EDEM3: variants seen among roughly 807,000 people sequenced by gnomAD.
EDEM3 encodes the protein ER degradation-enhancing alpha-mannosidase-like protein 3.
In EDEM3, 60 loss-of-function variants were observed where a neutral mutation model predicts 110.2. The ratio of observed to expected loss-of-function variants is 0.54; its 90% CI spans 0.44 to 0.67. The LOEUF is 0.67. Among genes scored for constraint, EDEM3 ranks in the 30% least tolerant of loss-of-function variants. The pLI is 0.00. For missense variants in EDEM3, 996 were observed against 1,121.0 expected (o/e 0.89, Z 1.59); for synonymous variants, 352 against 382.9 (o/e 0.92, Z 0.94).
At chr1:184,730,694 T>G (rs1651462421) in intron 6 of EDEM3, among the ~76,000 whole-genome samples, 1 of 152,150 alleles carries the variant, frequency 6.6e-6, no homozygotes, top group African/African-American at 2.4e-5. Flanking sequence ...TTTTAAAAAG[T>G]GCTAGTCACA....
In EDEM3 at chr1:184,721,873, T is replaced by A. The variant is rs138537960; in HGVS notation, c.854-487A>T. On this transcript the variant is annotated intron_variant, in intron 8 of 19. Coordinates refer to ENST00000318130, the MANE Select transcript of EDEM3 (RefSeq NM_025191.4). The stretch of plus-strand genomic sequence containing the variant: ...AAAAAAAAATGATAGGCAGGTGGAG[T>A]CTAGACCACTTAGAACTGAACCAAC... Among the ~76,000 whole-genome samples, 432 of 151,288 alleles carry A rather than the reference T, an allele frequency of 2.9e-3. 4 individuals carry two copies. The East Asian group carries it at 0.035, about 12-fold the overall frequency.
rs1439868586 is a variant in EDEM3 at position 184,690,821 on chromosome 1, G to C, written c.*3242C>G. ...AGAATGTTTTTTTTTTCTATGTTCT[G>C]ACTGAAGCCTTGTGCATAAAACGAC... On this transcript the variant is annotated 3_prime_UTR_variant, in exon 20 of 20. Coordinates refer to ENST00000318130, the MANE Select transcript of EDEM3 (RefSeq NM_025191.4). The C allele has an allele frequency of 2.6e-5, 4 of 151,216 alleles. No homozygotes were observed. The East Asian group carries it at 7.7e-4, about 29-fold the overall frequency. 9.4% of individuals were successfully genotyped at this position (151,216 alleles called of 1,614,324 possible).
chr1:184,732,307 C>T (rs940242240), intron 6 of EDEM3, among the ~76,000 whole-genome samples: 1 of 151,878 alleles, frequency 6.6e-6, no homozygotes, highest in African/African-American at 2.4e-5. Context: ...TTATCAGAGG[C>T]TGGGAAGGGT....
chr1:184,706,673 T>A lies in EDEM3; in HGVS notation c.2173A>T (p.Asn725Tyr). 1 of 1,613,280 alleles carries A rather than the reference T, an allele frequency of 6.2e-7. No individual in the cohort carries two copies. Among genetic ancestry groups the A allele is most frequent in the Non-Finnish European group, 8.5e-7 (1 of 1,179,458 alleles). Residue 725 changes from asparagine to tyrosine, a missense_variant, in exon 18 of 20, where the codon AAT becomes TAT. Coordinates refer to ENST00000318130, the MANE Select transcript of EDEM3 (RefSeq NM_025191.4). ...MFAEKARNIQ[N>Y]AGAIGGIVID... ...ACAATGCCACCAATGGCTCCAGCAT[T>A]CTGGATGTTGCGTGCCTTTTCTGCA...
At chr1:184,741,534 A>G (rs973069594) in intron 2 of EDEM3, among the ~76,000 whole-genome samples, 3 of 152,320 alleles carry the variant, frequency 2.0e-5, no homozygotes, top group African/African-American at 7.2e-5. Context: ...TATAACCATC[A>G]GAAAGAAAAG....
Position 184,710,582 on chromosome 1 carries a change from C to A in EDEM3, c.1692-35G>T, listed in dbSNP as rs149454208. 8,538 of 1,544,598 alleles carry A rather than the reference C, an allele frequency of 5.5e-3. 29 individuals carry two copies. The highest frequency in any genetic ancestry group is 8.5e-3 in the Middle Eastern group (49 of 5,774). On this transcript the variant is annotated intron_variant, in intron 15 of 19. Coordinates refer to ENST00000318130, the MANE Select transcript of EDEM3 (RefSeq NM_025191.4). ...GTAATTACAGGCAAGGCTTAAAAAA[C>A]TATAAATTAGAATTGGCAAAAAACA...
In EDEM3 at chr1:184,691,268, C is replaced by T. The variant is rs1649050622; in HGVS notation, c.*2795G>A. On this transcript the variant is annotated 3_prime_UTR_variant, in exon 20 of 20. Transcript: ENST00000318130. ...TTAAAACTTTATGGGAAAAGTATTG[C>T]AAATAAGGGCATATCATTTCAATGA... is the stretch of plus-strand genomic sequence containing the variant. 6.6e-6 allele frequency: 1 copy of T among 152,204 alleles called. No individual in the cohort carries two copies. Among genetic ancestry groups the T allele is most frequent in the South Asian group, 2.1e-4 (1 of 4,822 alleles). 9.4% of individuals were successfully genotyped at this position (152,204 alleles called of 1,614,324 possible).
intron 15 of EDEM3, among the ~76,000 whole-genome samples, 165 bp downstream of exon 15, chr1:184,711,554 ACTAT>A (rs1188851855): frequency 6.6e-6 from 1 of 152,228 alleles, no homozygotes; most frequent in Admixed American, 6.5e-5. Flanking sequence ...AATAAGCTTT[ACTAT>A]CTAACTTTAC....
chr1:184,690,326 C>G lies in EDEM3; in HGVS notation c.*3737G>C, dbSNP rs762017033. 6.6e-6 allele frequency: 1 copy of G among 152,058 alleles called. No individual in the cohort carries two copies. The highest frequency in any genetic ancestry group is 6.6e-5 in the Admixed American group (1 of 15,220). 9.4% of individuals were successfully genotyped at this position (152,058 alleles called of 1,614,324 possible). A position where few individuals can be genotyped will look rare whatever the true frequency, so the allele number is the denominator to read the frequency against. On this transcript the variant is annotated 3_prime_UTR_variant, in exon 20 of 20. Transcript: ENST00000318130. ...AAAAACTTTCAGTGATTTCTTAGAA[C>G]AAAATCCTTACTTTAGCCCACAAGC...
At chr1:184,717,155 T>C in intron 12 of EDEM3, 143 bp from the exon 13 acceptor site, 3 of 586,752 alleles carry the variant, frequency 5.1e-6, no homozygotes, top group South Asian at 4.1e-5. Flanking sequence ...AACTGAGTTC[T>C]GAAAAAAAGC....
intron 1 of EDEM3, among the ~76,000 whole-genome samples, chr1:184,751,233 CA>C (rs983931921): frequency 7.4e-5 from 11 of 149,154 alleles, no homozygotes; most frequent in Admixed American, 6.7e-4. Context: ...CTGTCCTAAG[CA>C]GAAAAAAAAA....
At chr1:184,733,726 G>T (rs1254372941) in intron 5 of EDEM3, among the ~76,000 whole-genome samples, 2 of 151,820 alleles carry the variant, frequency 1.3e-5, no homozygotes, top group Non-Finnish European at 2.9e-5. Flanking sequence ...TACTCGGGAG[G>T]CTGAGGCAGG....
At chr1:184,732,809 A>G in intron 6 of EDEM3, 28 bp downstream of exon 6, 2 of 1,604,306 alleles carry the variant, frequency 1.2e-6, no homozygotes, top group Non-Finnish European at 1.7e-6. Context: ...AAAGTATATA[A>G]AGACTCATAT....
chr1:184,732,729 T>C lies in EDEM3; in HGVS notation c.612+108A>G, dbSNP rs1275904193. ...TTTGTTATATAGCTTTGAAGCATTT[T>C]TTTTTCAGCCTCAAGCTGGTGAAGA... is the stretch of plus-strand genomic sequence containing the variant. On this transcript the variant is annotated intron_variant, in intron 6 of 19. Coordinates refer to ENST00000318130, the MANE Select transcript of EDEM3 (RefSeq NM_025191.4). 4 of 1,135,528 alleles carry C rather than the reference T, an allele frequency of 3.5e-6. No individual in the cohort carries two copies. The African/African-American group carries it at 6.3e-5, about 18-fold the overall frequency. 70.3% of individuals were successfully genotyped at this position (1,135,528 alleles called of 1,614,324 possible). A position where few individuals can be genotyped will look rare whatever the true frequency, so the allele number is the denominator to read the frequency against.
chr1:184,723,659 A>G, intron 8 of EDEM3, 92 bp downstream of exon 8: 1 of 1,015,720 alleles, frequency 9.8e-7, no homozygotes, highest in Non-Finnish European at 1.5e-6. Flanking sequence ...GCTTTATAGT[A>G]TCCCAAAGAT....
In EDEM3 at chr1:184,697,281, C is replaced by T. The variant is rs543916561; in HGVS notation, c.2390-2809G>A. ...TCTTAAATGAAGTCTTAATATTTAA[C>T]ATTTTCCTAATTTATATGTAAAGTA... On this transcript the variant is annotated intron_variant, in intron 19 of 19. Coordinates refer to ENST00000318130, the MANE Select transcript of EDEM3 (RefSeq NM_025191.4). Among the ~76,000 whole-genome samples, 12 of 151,902 alleles carry T rather than the reference C, an allele frequency of 7.9e-5. No individual in the cohort carries two copies. In the South Asian group the frequency reaches 1.2e-3, roughly 16 times the overall value.
intron 6 of EDEM3, among the ~76,000 whole-genome samples, chr1:184,730,559 C>A (rs750189028): frequency 6.6e-6 from 1 of 152,098 alleles, no homozygotes; most frequent in Non-Finnish European, 1.5e-5. Flanking sequence ...TGAACTCCAG[C>A]CTGGGTGATA....
At position 184,694,270 on chromosome 1, in the gene EDEM3, A is replaced by G. The variant is rs1470775162; in HGVS notation, c.2592T>C (p.Thr864=). 6.2e-7 allele frequency: 1 copy of G among 1,613,260 alleles called. No homozygotes were observed. Among genetic ancestry groups the G allele is most frequent in the African/African-American group, 1.3e-5 (1 of 74,886 alleles). Residue 864 remains threonine, a synonymous_variant, in exon 20 of 20, where the codon ACT becomes ACC. Coordinates refer to ENST00000318130, the MANE Select transcript of EDEM3 (RefSeq NM_025191.4). ...TCTCATGGTTTTCTGTGGGATTAGAAGTCTGTTCAGAAGGGGAAATGCTTG... is the reference window on the plus strand; with the variant it reads ...TCTCATGGTTTTCTGTGGGATTAGAGGTCTGTTCAGAAGGGGAAATGCTTG... ...NAASISPSEQ[T]SNPTENHETT...
chr1:184,743,474 A>AAAAAT lies in EDEM3; in HGVS notation c.205-5768_205-5764dup, dbSNP rs148680939. 1.4e-3 allele frequency among the ~76,000 whole-genome samples: 217 copies of AAAAAT among 152,172 alleles called. 2 individuals are homozygous for AAAAAT. The East Asian group carries it at 0.029, about 20-fold the overall frequency. On this transcript the variant is annotated intron_variant, in intron 2 of 19. Coordinates refer to ENST00000318130, the MANE Select transcript of EDEM3 (RefSeq NM_025191.4). ...AGAACATGTGCCTAGCTGAAAGAGC[A>AAAAAT]AAAATAAAATAAAATAAAATAAAAT...
Sources: allele counts gnomAD v4.1 joint callset (sites outside exome capture counted in the v4.1 genomes callset), GRCh38; gene constraint gnomAD v4.1.1; transcripts MANE v1.5; gene names NCBI Gene and HGNC (gene_info 2026-07-23, HGNC 2026-07-21).